The following PUM1 variants were observed in gnomAD, a reference collection of about 807,000 sequenced individuals.
The protein encoded by PUM1 is pumilio homolog 1.
A neutral mutation model predicts 131.8 loss-of-function variants in PUM1; 13 were observed. That is an observed-to-expected ratio of 0.10 (90% confidence interval 0.06 to 0.16). The LOEUF (loss-of-function observed/expected upper bound fraction) is 0.16. Ranked by LOEUF, PUM1 falls within the 10% of genes least tolerant of loss-of-function variation. The pLI, the probability that PUM1 is intolerant of heterozygous loss-of-function variation, is 1.00. For synonymous variants in PUM1, 509 were observed against 556.5 expected, an observed-to-expected ratio of 0.91 and a Z score of 1.20; for missense variants, 961 against 1,512.4, an observed-to-expected ratio of 0.64 and a Z score of 6.05.
intron 2 of PUM1, among the ~76,000 whole-genome samples, chr1:31,038,984 A>ATATATATTTTTTTTTTTTTTTTT: frequency 1.2e-4 from 6 of 49,420 alleles, no homozygotes; most frequent in African/African-American, 1.0e-3. Flanking sequence ...ATATATATAT[A>ATATATATTTTTTTTTTTTTTTTT]TTTTTTTTTT....
At chr1:31,047,629 G>A (rs1643999837) in intron 2 of PUM1, among the ~76,000 whole-genome samples, 1 of 152,210 alleles carries the variant, frequency 6.6e-6, no homozygotes, top group South Asian at 2.1e-4. Context: ...ATACAGAAAG[G>A]TGTCATGAAA....
intron 2 of PUM1, among the ~76,000 whole-genome samples, chr1:31,044,118 A>C (rs1643899071): frequency 6.6e-6 from 1 of 152,134 alleles, no homozygotes; most frequent in Non-Finnish European, 1.5e-5. Context: ...AAATAAAAAG[A>C]AGGCCGGGCG....
intron 5 of PUM1, among the ~76,000 whole-genome samples, chr1:30,996,442 C>T (rs1288361866): frequency 2.0e-5 from 3 of 152,198 alleles, no homozygotes; most frequent in Non-Finnish European, 4.4e-5. Flanking sequence ...AACAGATGCT[C>T]TTAAGAGATC....
intron 17 of PUM1, among the ~76,000 whole-genome samples, chr1:30,945,713 A>G (rs1443569899): frequency 6.6e-6 from 1 of 152,222 alleles, no homozygotes; most frequent in East Asian, 1.9e-4. Flanking sequence ...TGTAACAATA[A>G]CCAGTAACCA....
intron 2 of PUM1, among the ~76,000 whole-genome samples, chr1:31,033,113 T>C (rs1158467182): frequency 3.3e-5 from 5 of 150,188 alleles, no homozygotes; most frequent in African/African-American, 9.8e-5. Flanking sequence ...AAATAAAAGG[T>C]GGAAATCTAA....
At chr1:31,026,119 G>A (rs1225906410) in intron 3 of PUM1, among the ~76,000 whole-genome samples, 3 of 151,904 alleles carry the variant, frequency 2.0e-5, no homozygotes, top group East Asian at 1.9e-4. Flanking sequence ...AGCCGGGCAC[G>A]GCGGCATGCA....
At chr1:30,934,346 C>T (rs1243468401) in intron 21 of PUM1, among the ~76,000 whole-genome samples, 1 of 152,226 alleles carries the variant, frequency 6.6e-6, no homozygotes, top group Non-Finnish European at 1.5e-5. Context: ...CCTGCACCTG[C>T]ATACATAAAC....
At chr1:31,038,212 A>G (rs1643680371) in intron 2 of PUM1, among the ~76,000 whole-genome samples, 1 of 152,156 alleles carries the variant, frequency 6.6e-6, no homozygotes, top group African/African-American at 2.4e-5. Flanking sequence ...TTAAAAAAAA[A>G]AAAGAGAGAG....
At chr1:30,972,170 G>A (rs1289084954) in intron 10 of PUM1, among the ~76,000 whole-genome samples, 2 of 146,646 alleles carry the variant, frequency 1.4e-5, no homozygotes, top group African/African-American at 5.1e-5. Flanking sequence ...CACGAGAATT[G>A]CTTGAACCTG....
At chr1:30,968,981 C>T (rs1275241325) in intron 10 of PUM1, among the ~76,000 whole-genome samples, 1 of 151,958 alleles carries the variant, frequency 6.6e-6, no homozygotes, top group African/African-American at 2.4e-5. Flanking sequence ...AATGTCAGTG[C>T]TCTGACAAAA....
intron 1 of PUM1, among the ~76,000 whole-genome samples, chr1:31,063,009 TCAAGTAC>T (rs1325869583): frequency 2.0e-5 from 3 of 152,172 alleles, no homozygotes; most frequent in African/African-American, 7.2e-5. Context: ...TAGTCCCTGC[TCAAGTAC>T]CAAAACCAAA....
At position 30,941,289 on chromosome 1, in the gene PUM1, AAG is replaced by A; in HGVS notation, c.3121-19_3121-18del. On this transcript the variant is annotated intron_variant, in intron 19 of 21. Coordinates refer to ENST00000426105, the MANE Select transcript of PUM1 (RefSeq NM_001020658.2). ...ATATTGATCCTGTTTGAGAAACAGT[AAG>A]AGAAATAAAATGTATGTGAAAGCCA... 6.2e-7 allele frequency: 1 copy of A among 1,604,594 alleles called. No individual in the cohort carries two copies. The highest frequency in any genetic ancestry group is 8.5e-7 in the Non-Finnish European group (1 of 1,174,322).
rs571622397 is a variant in PUM1, at chr1:31,059,357, T to C, written c.210A>G (p.Gly70=). 6.8e-5 allele frequency: 109 copies of C among 1,613,996 alleles called. No individual in the cohort carries two copies. The highest frequency in any genetic ancestry group is 8.8e-5 in the Non-Finnish European group (104 of 1,180,044). ...THSSPVPGSI[G]VAGRSQDDAM... is the part of the protein sequence containing the mutation. ...CGTCGTCCTGGGAACGGCCTGCAACTCCTATAGATCCTGGGACAGGGCTGG... is the reference window on the plus strand; with the variant it reads ...CGTCGTCCTGGGAACGGCCTGCAACCCCTATAGATCCTGGGACAGGGCTGG... Residue 70 remains glycine, a synonymous_variant, in exon 2 of 22, where the codon GGA becomes GGG. Transcript: ENST00000426105.
At chr1:31,062,920 T>G (rs1189221173) in intron 1 of PUM1, among the ~76,000 whole-genome samples, 1 of 152,210 alleles carries the variant, frequency 6.6e-6, no homozygotes, top group African/African-American at 2.4e-5. Context: ...AAAGCCTAAT[T>G]TGGAAATGCC....
chr1:31,028,732 T>C, intron 3 of PUM1, 64 bp downstream of exon 3: 1 of 1,289,082 alleles, frequency 7.8e-7, no homozygotes, highest in Non-Finnish European at 1.1e-6. Flanking sequence ...ACACATTTGA[T>C]GAAAGACAAC....
At chr1:31,038,985 T>TATATATATATATATATATATATATATA (rs879343889) in intron 2 of PUM1, among the ~76,000 whole-genome samples, 4 of 33,006 alleles carry the variant, frequency 1.2e-4, no homozygotes, top group African/African-American at 2.6e-4. Context: ...TATATATATA[T>TATATATATATATATATATATATATATA]TTTTTTTTTT....
chr1:31,012,533 T>TA (rs1315602810), intron 3 of PUM1, among the ~76,000 whole-genome samples: 5 of 39,264 alleles, frequency 1.3e-4, no homozygotes, highest in Admixed American at 7.7e-4. Flanking sequence ...GTTTATAAAA[T>TA]AAAAAAACTT....
In PUM1 at chr1:30,960,402, T is replaced by C. The variant is rs143745896; in HGVS notation, c.2323+4272A>G. The stretch of plus-strand genomic sequence containing the variant: ...GATTCTCAATCTGTCCTGGAGGTTC[T>C]ACACAGTGCAATCAGACAAGAAAAA... On this transcript the variant is annotated intron_variant, in intron 14 of 21. Coordinates refer to ENST00000426105, the MANE Select transcript of PUM1 (RefSeq NM_001020658.2). Among the ~76,000 whole-genome samples, 561 of 152,326 alleles carry C rather than the reference T, an allele frequency of 3.7e-3. 3 individuals carry two copies. The highest frequency in any genetic ancestry group is 0.013 in the African/African-American group (545 of 41,570).
intron 2 of PUM1, among the ~76,000 whole-genome samples, chr1:31,048,239 AAAC>A (rs1644016828): frequency 6.6e-6 from 1 of 151,930 alleles, no homozygotes. Flanking sequence ...ACTGTCTCAA[AAAC>A]AATAAAATAA....
Sources: gnomAD v4.1 joint callset for allele counts (sites outside exome capture counted in the v4.1 genomes callset) on GRCh38, gnomAD v4.1.1 for gene constraint, MANE v1.5 for transcripts, NCBI Gene and HGNC (gene_info 2026-07-23, HGNC 2026-07-21) for gene names.